Variants in NSUN3 observed in about 807,000 individuals in gnomAD.
NSUN3 encodes the protein tRNA (cytosine(34)-C(5))-methyltransferase, mitochondrial.
A neutral mutation model predicts 36.8 loss-of-function variants in NSUN3; 24 were observed. That is an observed-to-expected ratio of 0.65 (90% CI 0.47 to 0.92). The LOEUF is 0.92. Among genes scored for constraint, NSUN3 ranks in the 40% least tolerant of loss-of-function variants. The pLI, the probability that NSUN3 is intolerant of heterozygous loss-of-function variation, is 0.00. For synonymous variants in NSUN3, 146 were observed against 145.2 expected, an observed-to-expected ratio of 1.01 and a Z score of -0.04; for missense variants, 381 against 392.8, an observed-to-expected ratio of 0.97 and a Z score of 0.25.
intron 5 of NSUN3, among the ~76,000 whole-genome samples, chr3:94,096,000 C>A (rs2077337577): frequency 6.7e-6 from 1 of 148,984 alleles, no homozygotes; most frequent in African/African-American, 2.5e-5. Flanking sequence ...ACCTCGTAAT[C>A]TGCCCACCTT....
intron 5 of NSUN3, among the ~76,000 whole-genome samples, chr3:94,113,885 T>C (rs1010657800): frequency 2.6e-5 from 4 of 152,202 alleles, no homozygotes; most frequent in Non-Finnish European, 5.9e-5. Context: ...GAGTCTAATA[T>C]GTTAAAATTG....
chr3:94,088,755 C>T (rs1234270368), intron 3 of NSUN3, among the ~76,000 whole-genome samples: 2 of 150,272 alleles, frequency 1.3e-5, no homozygotes, highest in Non-Finnish European at 2.9e-5. Context: ...TCACTGCAGT[C>T]TCTGCCTCCT....
At chr3:94,080,142 T>C (rs2077261672) in intron 2 of NSUN3, among the ~76,000 whole-genome samples, 1 of 152,188 alleles carries the variant, frequency 6.6e-6, no homozygotes, top group Non-Finnish European at 1.5e-5. Flanking sequence ...CCTTTCTGTT[T>C]GTTAGTTTTC....
At chr3:94,119,439 G>T (rs1371842575) in intron 5 of NSUN3, among the ~76,000 whole-genome samples, 1 of 152,188 alleles carries the variant, frequency 6.6e-6, no homozygotes, top group Non-Finnish European at 1.5e-5. Context: ...GGCTCTGGGG[G>T]AGGGGGACAG....
chr3:94,118,105 T>C (rs2077447691), intron 5 of NSUN3, among the ~76,000 whole-genome samples: 1 of 152,154 alleles, frequency 6.6e-6, no homozygotes, highest in Non-Finnish European at 1.5e-5. Flanking sequence ...ATTGTAATGC[T>C]CCCAAGATAA....
At position 94,082,105 on chromosome 3, in the gene NSUN3, C is replaced by G. The variant is rs192017987; in HGVS notation, c.123-2002C>G. On this transcript the variant is annotated intron_variant, in intron 2 of 5. Coordinates refer to ENST00000314622, the MANE Select transcript of NSUN3 (RefSeq NM_022072.5). ...CCGCTCCTTCTGTATAACTGTGTTT[C>G]CGATCATTTTTTTATTACACATGAC... 6 of 152,284 alleles carry G rather than the reference C, an allele frequency of 3.9e-5. No homozygotes were observed. In the East Asian group the frequency reaches 1.2e-3, roughly 29 times the overall value. 9.4% of individuals were successfully genotyped at this position (152,284 alleles called of 1,614,324 possible).
rs1341974113 is a variant in NSUN3 at position 94,126,381 on chromosome 3, C to T, written c.914C>T (p.Ala305Val). The T allele has an allele frequency of 1.2e-6, 2 of 1,614,156 alleles. No individual in the cohort carries two copies. The highest frequency in any genetic ancestry group is 8.5e-7 in the Non-Finnish European group (1 of 1,180,018). ...ACTTGCTCCCACGACTTCACATTTG[C>T]TCCCACTGGCCAGGAATGTGGGCTC... Reference protein sequence around the residue: ...ARTCSHDFTFAPTGQECGLLV... With the variant: ...ARTCSHDFTFVPTGQECGLLV... Residue 305 changes from alanine to valine, a missense_variant, in exon 6 of 6, where the codon GCT (alanine) becomes GTT (valine). Ala to Val is a moderately conservative substitution (Grantham distance 64). Transcript: ENST00000314622.
chr3:94,094,874 A>C (rs778847195), intron 4 of NSUN3, among the ~76,000 whole-genome samples, 159 bp from the exon 5 acceptor site: 3 of 152,220 alleles, frequency 2.0e-5, no homozygotes, highest in Admixed American at 2.0e-4. Context: ...AGGAAATGTC[A>C]TAAGGAAAAA....
chr3:94,092,164 A>G (rs532636694), intron 3 of NSUN3, among the ~76,000 whole-genome samples: 1 of 152,212 alleles, frequency 6.6e-6, no homozygotes, highest in South Asian at 2.1e-4. Context: ...CTTGTTGTGG[A>G]CTTTAACCAA....
At position 94,095,157 on chromosome 3, in the gene NSUN3, A is replaced by T. The variant is rs1291543919; in HGVS notation, c.743+3A>T. On this transcript the variant is annotated splice_donor_region_variant and intron_variant, in intron 5 of 5. Transcript: ENST00000314622. The stretch of plus-strand genomic sequence containing the variant: ...CTTCTACAGATAGAGCTGTTAAGGT[A>T]AGGACTGTTAATACAAAAGTGTATT... 6.2e-7 allele frequency: 1 copy of T among 1,612,944 alleles called. No individual in the cohort carries two copies. The highest frequency in any genetic ancestry group is 1.1e-5 in the South Asian group (1 of 91,002).
At chr3:94,070,206 G>T (rs1044476344) in intron 2 of NSUN3, among the ~76,000 whole-genome samples, 5 of 152,130 alleles carry the variant, frequency 3.3e-5, no homozygotes, top group Non-Finnish European at 7.3e-5. Flanking sequence ...ACTTTGGGAG[G>T]CCAAGGCAGG....
At chr3:94,077,297 G>A (rs939924363) in intron 2 of NSUN3, 28 of 507,758 alleles carry the variant, frequency 5.5e-5, no homozygotes, top group African/African-American at 5.0e-4. Context: ...AGTTGACATC[G>A]TGGTGGATAA....
chr3:94,124,635 A>G (rs1277546687), intron 5 of NSUN3, among the ~76,000 whole-genome samples: 1 of 152,082 alleles, frequency 6.6e-6, no homozygotes, highest in Non-Finnish European at 1.5e-5. Context: ...CACTTTAATG[A>G]ACTACTTTTA....
chr3:94,077,265 C>A, intron 2 of NSUN3: 2 of 577,762 alleles, frequency 3.5e-6, no homozygotes, highest in South Asian at 4.0e-5. Flanking sequence ...TATGTTGAAC[C>A]AGTCTTGCAT....
chr3:94,093,188 G>A (rs2077323182), intron 3 of NSUN3, among the ~76,000 whole-genome samples: 1 of 151,350 alleles, frequency 6.6e-6, no homozygotes, highest in African/African-American at 2.4e-5. Context: ...AGTGGATGAT[G>A]GGAAGTCACT....
chr3:94,111,778 A>G (rs1456814741), intron 5 of NSUN3, among the ~76,000 whole-genome samples: 3 of 150,956 alleles, frequency 2.0e-5, no homozygotes, highest in African/African-American at 7.3e-5. Flanking sequence ...TCTTCTGGTA[A>G]CCTCCTGTAG....
chr3:94,112,686 G>A (rs1023461408), intron 5 of NSUN3, among the ~76,000 whole-genome samples: 2 of 152,126 alleles, frequency 1.3e-5, no homozygotes, highest in South Asian at 2.1e-4. Context: ...TGGATCAGAC[G>A]TAGTCATATG....
intron 2 of NSUN3, chr3:94,076,856 C>G: frequency 6.4e-7 from 1 of 1,561,680 alleles, no homozygotes; most frequent in Non-Finnish European, 8.8e-7. Context: ...ACCAAAACCT[C>G]CAAATTCTCC....
At chr3:94,102,729 T>A (rs1299810332) in intron 5 of NSUN3, among the ~76,000 whole-genome samples, 2 of 152,128 alleles carry the variant, frequency 1.3e-5, no homozygotes, top group Non-Finnish European at 2.9e-5. Context: ...GATAAAAGAT[T>A]GAGGAGCCAT....
Sources: gnomAD v4.1 joint callset for allele counts (sites outside exome capture counted in the v4.1 genomes callset) on GRCh38, gnomAD v4.1.1 for gene constraint, MANE v1.5 for transcripts, NCBI Gene and HGNC (gene_info 2026-07-23, HGNC 2026-07-21) for gene names.